The following NBEA variants were observed in gnomAD, a reference collection of about 807,000 sequenced individuals.
The protein encoded by NBEA is neurobeachin.
In NBEA, 44 loss-of-function variants were observed where a neutral mutation model predicts 343.4. The observed-to-expected ratio is 0.13, with a 90% confidence interval of 0.10 to 0.16. The LOEUF (loss-of-function observed/expected upper bound fraction) is 0.16, where lower values mean the gene tolerates loss of function less well. NBEA is among the 10% of genes least tolerant of loss of function. The probability of loss-of-function intolerance (pLI) is 1.00; values close to 1 mark genes in which losing one functional copy is unlikely to be tolerated. For missense variants in NBEA, 2,555 were observed against 3,631.3 expected (o/e 0.70, Z 7.62); for synonymous variants, 1,175 against 1,238.7 (o/e 0.95, Z 1.08).
chr13:35,098,647 A>G lies in NBEA; in HGVS notation c.1680+242A>G, dbSNP rs943263145. 3.3e-5 allele frequency among the ~76,000 whole-genome samples: 5 copies of G among 152,334 alleles called. No homozygotes were observed. In the South Asian group the frequency reaches 6.2e-4, roughly 19 times the overall value. ...ATTTACATCTATATCTATTCAAGCAATAAGTATCATTTCTCTTAAGTTTTC... is the reference window on the plus strand; with the variant it reads ...ATTTACATCTATATCTATTCAAGCAGTAAGTATCATTTCTCTTAAGTTTTC... On this transcript the variant is annotated intron_variant, in intron 11 of 58. Transcript: ENST00000379939.
At chr13:35,331,267 A>G (rs1489902364) in intron 36 of NBEA, among the ~76,000 whole-genome samples, 2 of 151,994 alleles carry the variant, frequency 1.3e-5, no homozygotes, top group African/African-American at 4.8e-5. Context: ...TAAATCCCCA[A>G]TCAAAGTCTG....
chr13:35,375,241 C>T (rs1341311206), intron 38 of NBEA, among the ~76,000 whole-genome samples: 1 of 152,070 alleles, frequency 6.6e-6, no homozygotes, highest in East Asian at 1.9e-4. Flanking sequence ...ATTTAAAATT[C>T]ATGGTAGACA....
At chr13:35,442,538 C>T (rs1004390727) in intron 39 of NBEA, among the ~76,000 whole-genome samples, 4 of 152,064 alleles carry the variant, frequency 2.6e-5, no homozygotes, top group African/African-American at 4.8e-5. Flanking sequence ...CAGTTTTCTA[C>T]GTTGACTCCA....
chr13:35,040,872 A>T, intron 1 of NBEA, 61 bp from the exon 2 acceptor site: 1 of 1,374,862 alleles, frequency 7.3e-7, no homozygotes, highest in Non-Finnish European at 1.0e-6. Context: ...TTATTATTTC[A>T]TTCTACTGTC....
chr13:35,308,539 T>C (rs1446017180), intron 35 of NBEA, among the ~76,000 whole-genome samples: 3 of 124,418 alleles, frequency 2.4e-5, no homozygotes, highest in African/African-American at 9.2e-5. Context: ...TATGTATATA[T>C]GTATATATAT....
chr13:35,657,528 T>TA (rs1316215671), intron 55 of NBEA, among the ~76,000 whole-genome samples: 1 of 152,222 alleles, frequency 6.6e-6, no homozygotes, highest in East Asian at 1.9e-4. Context: ...CTAGTATGCC[T>TA]ATGTATGCGT....
intron 17 of NBEA, among the ~76,000 whole-genome samples, chr13:35,128,567 T>C (rs1448061870): frequency 6.6e-6 from 1 of 152,126 alleles, no homozygotes; most frequent in Non-Finnish European, 1.5e-5. Context: ...GACTTATAGC[T>C]TGCTAAGTTT....
intron 38 of NBEA, among the ~76,000 whole-genome samples, chr13:35,423,717 T>C (rs2044455049): frequency 6.6e-6 from 1 of 152,292 alleles, no homozygotes; most frequent in Admixed American, 6.5e-5. Context: ...GGGGATGGCA[T>C]TGAATCTATA....
chr13:35,025,994 G>A (rs2062008034), intron 1 of NBEA, among the ~76,000 whole-genome samples: 1 of 151,348 alleles, frequency 6.6e-6, no homozygotes, highest in East Asian at 1.9e-4. Context: ...GATATAATTT[G>A]GCTCTGTGTC....
At chr13:35,119,241 T>C (rs1312089899) in intron 16 of NBEA, among the ~76,000 whole-genome samples, 1 of 152,162 alleles carries the variant, frequency 6.6e-6, no homozygotes, top group African/African-American at 2.4e-5. Flanking sequence ...ATTCTTCGTT[T>C]TTATTTTTCT....
chr13:35,344,756 A>C lies in NBEA; in HGVS notation c.5904-4352A>C, dbSNP rs189753008. 1.1e-4 allele frequency among the ~76,000 whole-genome samples: 16 copies of C among 152,238 alleles called. No individual in the cohort carries two copies. The East Asian group carries it at 2.9e-3, about 28-fold the overall frequency. On this transcript the variant is annotated intron_variant, in intron 36 of 58. Transcript: ENST00000379939. ...CTTTAAGTATGAAAGGAAGTTAATC[A>C]GTAAAATTTCTTCCTGTAGAGAAAA...
chr13:35,532,844 T>A (rs1463668180), intron 41 of NBEA, among the ~76,000 whole-genome samples: 2 of 152,126 alleles, frequency 1.3e-5, no homozygotes, highest in African/African-American at 2.4e-5. Flanking sequence ...CATTAAAAGA[T>A]CTCAGAAGAA....
intron 1 of NBEA, among the ~76,000 whole-genome samples, chr13:34,951,266 G>T (rs2059341691): frequency 6.6e-6 from 1 of 152,150 alleles, no homozygotes; most frequent in Admixed American, 6.5e-5. Context: ...TTACATCCAT[G>T]TTATGAAATA....
At position 35,196,169 on chromosome 13, in the gene NBEA, G is replaced by A. The variant is rs1301841517; in HGVS notation, c.5233G>A (p.Glu1745Lys). The A allele has an allele frequency of 6.2e-7, 1 of 1,613,652 alleles. No homozygotes were observed. The highest frequency in any genetic ancestry group is 1.1e-5 in the South Asian group (1 of 91,074). ...ISQTKGINVKEILKSLVAAPV... is the reference protein window; with the variant it reads ...ISQTKGINVKKILKSLVAAPV... Reference sequence around the variant, plus strand: ...TCAAACCAAAGGCATCAATGTGAAGGAAATACTGAAAAGTCTTGTGGCTGC... The same window carrying A: ...TCAAACCAAAGGCATCAATGTGAAGAAAATACTGAAAAGTCTTGTGGCTGC... The change falls in exon 31 of 59, where the codon GAA (glutamate) becomes AAA (lysine). Residue 1745 changes from glutamate (E) to lysine (K), a missense_variant. Glu to Lys is a moderately conservative substitution (Grantham distance 56, BLOSUM62 1). Transcript: ENST00000379939.
intron 34 of NBEA, chr13:35,251,198 T>C (rs117704084): frequency 0.015 from 3,810 of 255,832 alleles, 46 homozygotes; most frequent in Non-Finnish European, 0.023. Context: ...GGGGACTCAC[T>C]TTCTCATCCC....
intron 8 of NBEA, among the ~76,000 whole-genome samples, chr13:35,066,449 T>A (rs2063656558): frequency 6.6e-6 from 1 of 152,174 alleles, no homozygotes; most frequent in Admixed American, 6.6e-5. Flanking sequence ...TCTTCAGAGA[T>A]TTCTTCATGT....
intron 10 of NBEA, among the ~76,000 whole-genome samples, chr13:35,096,217 A>G (rs1217358879): frequency 6.6e-6 from 1 of 150,820 alleles, no homozygotes; most frequent in Non-Finnish European, 1.5e-5. Context: ...TTTTTTTGCA[A>G]AGATGTGGTA....
intron 1 of NBEA, among the ~76,000 whole-genome samples, chr13:34,947,159 A>C (rs1332424788): frequency 6.6e-6 from 1 of 152,062 alleles, no homozygotes; most frequent in Non-Finnish European, 1.5e-5. Context: ...GGAAAATAAA[A>C]TTCAGGATTC....
intron 40 of NBEA, among the ~76,000 whole-genome samples, chr13:35,466,078 A>G (rs1447783386): frequency 6.6e-6 from 1 of 152,146 alleles, no homozygotes; most frequent in Non-Finnish European, 1.5e-5. Flanking sequence ...CATTCCTTCC[A>G]TGTCTGTTTT....
Sources: allele counts gnomAD v4.1 joint callset (sites outside exome capture counted in the v4.1 genomes callset), GRCh38; gene constraint gnomAD v4.1.1; transcripts MANE v1.5; gene names NCBI Gene and HGNC (gene_info 2026-07-23, HGNC 2026-07-21).